CCDC66: variants seen among roughly 807,000 people sequenced by gnomAD.
The protein encoded by CCDC66 is coiled-coil domain containing 66, also known as coiled-coil domain-containing protein 66.
Under a neutral mutation model 128.3 loss-of-function variants are expected in CCDC66, and 133 were observed. The observed-to-expected ratio is 1.04, with a 90% confidence interval of 0.90 to 1.20. The LOEUF (loss-of-function observed/expected upper bound fraction) is 1.20, where lower values mean the gene tolerates loss of function less well. Ranked by LOEUF, CCDC66 falls within the 50% of genes most tolerant of loss-of-function variation. CCDC66 has a pLI of 0.00. For missense variants in CCDC66, 1,126 were observed against 1,075.5 expected (o/e 1.05, Z -0.66); for synonymous variants, 387 against 357.0 (o/e 1.08, Z -0.95).
At chr3:56,576,680 G>C (rs1223648110) in intron 7 of CCDC66, among the ~76,000 whole-genome samples, 1 of 151,190 alleles carries the variant, frequency 6.6e-6, no homozygotes, top group Non-Finnish European at 1.5e-5. Flanking sequence ...CCTTGCAATA[G>C]TTTGCTTAGA....
intron 10 of CCDC66, among the ~76,000 whole-genome samples, chr3:56,609,542 T>A: frequency 6.6e-6 from 1 of 152,250 alleles, no homozygotes; most frequent in East Asian, 1.9e-4. Context: ...CTGTATCTTT[T>A]AAGTGGAGCC....
At chr3:56,561,221 A>G (rs1559591896) in intron 3 of CCDC66, 1 of 455,940 alleles carries the variant, frequency 2.2e-6, no homozygotes, top group Non-Finnish European at 4.4e-6. Flanking sequence ...CCTAGATGAA[A>G]AGCTGTTTGT....
Position 56,566,628 on chromosome 3 carries a change from T to C in CCDC66, c.579T>C (p.Asn193=). 1 of 1,594,342 alleles carries C rather than the reference T, an allele frequency of 6.3e-7. No homozygotes were observed. Among genetic ancestry groups the C allele is most frequent in the Non-Finnish European group, 8.6e-7 (1 of 1,162,488 alleles). Residue 193 remains asparagine (N), a synonymous_variant, in exon 5 of 18, where the codon AAT becomes AAC. Transcript: ENST00000394672. ...QYSLYLNSIS[N]QPKDENIMGL... ...GTCTATATTTAAACAGTATTTCTAATCAGCCAAAGGATGAGAACATTATGG... is the reference window on the plus strand; with the variant it reads ...GTCTATATTTAAACAGTATTTCTAACCAGCCAAAGGATGAGAACATTATGG...
In CCDC66 at chr3:56,616,040, T is replaced by C. The variant is rs371958817; in HGVS notation, c.1830T>C (p.Thr610=). 18 of 1,589,862 alleles carry C rather than the reference T, an allele frequency of 1.1e-5. No individual in the cohort carries two copies. The Middle Eastern group carries it at 6.7e-4, about 59-fold the overall frequency. The part of the protein sequence containing the change: ...YMNSTTSKKD[T]GVQTDDLNIG... ...ATTCTACGACTTCTAAGAAGGATAC[T>C]GGTGTGCAAACAGGTATTTGTGTGG... The change falls in exon 13 of 18, where the codon ACT becomes ACC. Residue 610 remains threonine (T), a synonymous_variant. Transcript: ENST00000394672.
chr3:56,621,351 A>G (rs1396136987), intron 17 of CCDC66, 181 bp from the exon 18 acceptor site: 11 of 406,546 alleles, frequency 2.7e-5, no homozygotes, highest in Non-Finnish European at 4.8e-5. Context: ...GAATCTTACA[A>G]ATGTGATAGC....
Position 56,593,928 on chromosome 3 carries a change from G to A in CCDC66, c.1320-16G>A, listed in dbSNP as rs770370014. 47 of 1,613,170 alleles carry A rather than the reference G, an allele frequency of 2.9e-5. No individual in the cohort carries two copies. Among genetic ancestry groups the A allele is most frequent in the East Asian group, 4.5e-5 (2 of 44,888 alleles). On this transcript the variant is annotated splice_polypyrimidine_tract_variant and intron_variant, in intron 9 of 17. Transcript: ENST00000394672. ...CTTTTTGAGGTTTTGAATAGCTAAT[G>A]TATGTATCTTGCCAGCTTTCTCCGT...
chr3:56,618,263 G>A (rs775054773), intron 15 of CCDC66, 51 bp downstream of exon 15: 22 of 1,456,588 alleles, frequency 1.5e-5, no homozygotes, highest in Admixed American at 3.5e-5. Context: ...TTCTATGTGG[G>A]ACAAAAAAGG....
chr3:56,619,974 GT>G (rs2076157541), intron 17 of CCDC66, 73 bp downstream of exon 17: 29 of 1,514,378 alleles, frequency 1.9e-5, no homozygotes, highest in Non-Finnish European at 2.2e-5. Flanking sequence ...CTGTTGAACG[GT>G]TTGTTTTAAG....
chr3:56,571,721 G>T (rs2066645361), intron 7 of CCDC66, among the ~76,000 whole-genome samples: 1 of 151,712 alleles, frequency 6.6e-6, no homozygotes, highest in African/African-American at 2.4e-5. Flanking sequence ...TTGTATGTGT[G>T]TTTTTTTTAA....
intron 7 of CCDC66, among the ~76,000 whole-genome samples, chr3:56,572,110 G>A (rs189862026): frequency 2.0e-5 from 3 of 152,246 alleles, no homozygotes; most frequent in African/African-American, 7.2e-5. Context: ...TCGTTATGTC[G>A]TTAGGTGAAT....
intron 7 of CCDC66, among the ~76,000 whole-genome samples, chr3:56,578,826 G>A (rs933540895): frequency 3.3e-5 from 5 of 151,732 alleles, no homozygotes; most frequent in South Asian, 2.1e-4. Context: ...ATTTTATTGA[G>A]GATTTCTGCA....
chr3:56,563,620 T>A, intron 3 of CCDC66, 64 bp from the exon 4 acceptor site: 2 of 1,293,274 alleles, frequency 1.5e-6, no homozygotes, highest in South Asian at 3.1e-5. Flanking sequence ...TCACAGATCA[T>A]ATAAAGATAA....
At chr3:56,558,767 G>T in intron 1 of CCDC66, 79 bp from the exon 2 acceptor site, 1 of 940,186 alleles carries the variant, frequency 1.1e-6, no homozygotes, top group East Asian at 2.6e-5. Context: ...TTTATTGTCA[G>T]GTTCAAATGA....
rs147965110 is a variant in CCDC66 at position 56,619,436 on chromosome 3, G to A, written c.2544G>A (p.Pro848=). 3.7e-5 allele frequency: 59 copies of A among 1,613,650 alleles called. No homozygotes were observed. The East Asian group carries it at 3.8e-4, about 10-fold the overall frequency. ...SGISESSHFI[P]YVRTNEIYYL... is the part of the protein sequence containing the mutation. ...TTTCTGAATCATCCCATTTTATTCCGTATGTTCGAACAAATGAGATCTATT... is the reference window on the plus strand; with the variant it reads ...TTTCTGAATCATCCCATTTTATTCCATATGTTCGAACAAATGAGATCTATT... Residue 848 remains proline (P), a synonymous_variant, in exon 16 of 18, where the codon CCG becomes CCA. Transcript: ENST00000394672.
intron 3 of CCDC66, chr3:56,561,102 A>G (rs916824485): frequency 1.5e-4 from 64 of 423,834 alleles, no homozygotes; most frequent in African/African-American, 1.2e-3. Flanking sequence ...ATGCTCCCCA[A>G]TCACAGACTA....
Position 56,558,920 on chromosome 3 carries a change from G to A in CCDC66, c.76+10G>A. ...ATATTGTCTCCATATGGTATGTTGT[G>A]TTACAGAAATCTGAAATGTTAACTT... On this transcript the variant is annotated intron_variant, in intron 2 of 17. Coordinates refer to ENST00000394672, the MANE Select transcript of CCDC66 (RefSeq NM_001141947.3). 1 of 1,516,592 alleles carries A rather than the reference G, an allele frequency of 6.6e-7. No homozygotes were observed. The highest frequency in any genetic ancestry group is 1.3e-5 in the South Asian group (1 of 78,836). The allele number at this position is 1,516,592 out of a possible 1,614,324, so 93.9% of individuals were successfully genotyped here.
intron 7 of CCDC66, among the ~76,000 whole-genome samples, chr3:56,588,078 GAGAT>G (rs2070139573): frequency 6.6e-6 from 1 of 152,290 alleles, no homozygotes; most frequent in South Asian, 2.1e-4. Context: ...AAGAAACTGT[GAGAT>G]AGATATAGAT....
At chr3:56,570,131 T>G (rs1033106830) in intron 6 of CCDC66, 14 of 152,224 alleles carry the variant, frequency 9.2e-5, no homozygotes, top group African/African-American at 3.4e-4. Flanking sequence ...CCACCACACC[T>G]GGCCTTATGC....
chr3:56,615,334 TTTTATC>T (rs1559767798), intron 12 of CCDC66, 62 bp downstream of exon 12: 9 of 1,495,524 alleles, frequency 6.0e-6, no homozygotes, highest in Non-Finnish European at 6.3e-6. Context: ...AATAATTCCT[TTTTATC>T]TTTGTTTGGA....
Sources: allele counts gnomAD v4.1 joint callset (sites outside exome capture counted in the v4.1 genomes callset), GRCh38; gene constraint gnomAD v4.1.1; transcripts MANE v1.5; gene names NCBI Gene and HGNC (gene_info 2026-07-23, HGNC 2026-07-21).